Variants in LRPPRC observed in about 807,000 individuals in gnomAD.
LRPPRC encodes leucine rich pentatricopeptide repeat containing, also known as leucine-rich PPR motif-containing protein, mitochondrial.
In LRPPRC, 120 loss-of-function variants were observed where a neutral mutation model predicts 180.3. That is an observed-to-expected ratio of 0.67 (90% CI 0.57 to 0.77). The LOEUF is 0.77. Among genes scored for constraint, LRPPRC ranks in the 30% least tolerant of loss-of-function variants. LRPPRC has a pLI of 0.00. For missense variants in LRPPRC, 2,012 were observed against 1,657.2 expected (o/e 1.21, Z -3.72); for synonymous variants, 723 against 600.0 (o/e 1.21, Z -3.00).
intron 1 of LRPPRC, among the ~76,000 whole-genome samples, chr2:43,987,032 A>G (rs1004012469): frequency 6.6e-6 from 1 of 152,194 alleles, no homozygotes; most frequent in South Asian, 2.1e-4. Context: ...AATTTTCTTT[A>G]GCCTGTTGAT....
chr2:43,927,152 T>C (rs1671909236), intron 25 of LRPPRC, among the ~76,000 whole-genome samples: 1 of 152,324 alleles, frequency 6.6e-6, no homozygotes, highest in African/African-American at 2.4e-5. Context: ...AGCATTATGG[T>C]AAGAAAACTA....
chr2:43,974,891 C>T, intron 7 of LRPPRC, 133 bp from the exon 8 acceptor site: 1 of 1,005,270 alleles, frequency 9.9e-7, no homozygotes, highest in Non-Finnish European at 1.5e-6. Flanking sequence ...TTTTAAAAAA[C>T]AGGAAATACT....
At chr2:43,908,035 T>A (rs1036420195) in intron 30 of LRPPRC, among the ~76,000 whole-genome samples, 12 of 152,288 alleles carry the variant, frequency 7.9e-5, no homozygotes, top group Non-Finnish European at 1.5e-4. Context: ...TAGTTGGTGA[T>A]TATATTATTT....
At chr2:43,959,330 G>C (rs1311428969) in intron 13 of LRPPRC, 2 of 638,830 alleles carry the variant, frequency 3.1e-6, no homozygotes, top group African/African-American at 1.8e-5. Flanking sequence ...TTTCATACTG[G>C]ACACTTTGCC....
intron 11 of LRPPRC, among the ~76,000 whole-genome samples, chr2:43,972,666 T>C (rs532761415): frequency 6.6e-5 from 10 of 152,382 alleles, no homozygotes; most frequent in Non-Finnish European, 1.0e-4. Context: ...TAGAGACTTT[T>C]ATAGCCAGAA....
intron 25 of LRPPRC, among the ~76,000 whole-genome samples, chr2:43,928,715 A>G (rs1671977796): frequency 6.6e-6 from 1 of 151,968 alleles, no homozygotes; most frequent in African/African-American, 2.4e-5. Context: ...TGCACCTGTG[A>G]ACAGCCAATG....
At chr2:43,894,197 A>G (rs556060372) in intron 36 of LRPPRC, among the ~76,000 whole-genome samples, 1 of 152,230 alleles carries the variant, frequency 6.6e-6, no homozygotes, top group African/African-American at 2.4e-5. Context: ...TTCAGGTGGC[A>G]GGCCCTTGGG....
At chr2:43,975,335 G>A in intron 6 of LRPPRC, 118 bp from the exon 7 acceptor site, 3 of 805,594 alleles carry the variant, frequency 3.7e-6, no homozygotes, top group Admixed American at 2.1e-5. Flanking sequence ...GAATTATGAT[G>A]TCAGAAAAGA....
At chr2:43,931,710 G>C (rs944987735) in intron 25 of LRPPRC, among the ~76,000 whole-genome samples, 2 of 152,142 alleles carry the variant, frequency 1.3e-5, no homozygotes, top group Non-Finnish European at 2.9e-5. Context: ...ACAGAAAATA[G>C]GGTGAATTAA....
chr2:43,910,747 G>A (rs565851504), intron 30 of LRPPRC, among the ~76,000 whole-genome samples: 2 of 152,208 alleles, frequency 1.3e-5, no homozygotes, highest in Middle Eastern at 3.4e-3. Flanking sequence ...TCTTTGTGGT[G>A]AGCTGAGAGG....
At chr2:43,943,622 T>A (rs977936701) in intron 23 of LRPPRC, 65 bp downstream of exon 23, 2 of 1,333,816 alleles carry the variant, frequency 1.5e-6, no homozygotes, top group African/African-American at 2.9e-5. Flanking sequence ...TAAAGTATAA[T>A]CCGAAAATTA....
At chr2:43,896,501 G>C (rs1363048919) in intron 35 of LRPPRC, 133 bp downstream of exon 35, 2 of 670,614 alleles carry the variant, frequency 3.0e-6, no homozygotes, top group Non-Finnish European at 5.4e-6. Context: ...TCTAAGTAGA[G>C]ACAAGCAAAG....
In LRPPRC at chr2:43,981,944, G is replaced by T. The variant is rs183026073; in HGVS notation, c.346+294C>A. Among the ~76,000 whole-genome samples the T allele has an allele frequency of 1.4e-4, 22 of 151,918 alleles. No homozygotes were observed. In the East Asian group the frequency reaches 4.1e-3, roughly 28 times the overall value. On this transcript the variant is annotated intron_variant, in intron 2 of 37. Transcript: ENST00000260665. ...GTTTTAAAGACAGATGTCTCTCTCT[G>T]TCGCCCAGGCTGGAGTGCAGTTGTG...
intron 11 of LRPPRC, 86 bp from the exon 12 acceptor site, chr2:43,963,792 G>T: frequency 2.5e-6 from 2 of 813,826 alleles, no homozygotes; most frequent in Non-Finnish European, 4.3e-6. Flanking sequence ...ATTATTTTCT[G>T]AATCACAGTA....
chr2:43,949,590 T>C lies in LRPPRC; in HGVS notation c.1735+12A>G, dbSNP rs182218054. ...TGTGGATAAGTTACAATCATCGAAA[T>C]TGAAACGCTACCCGTCGGTCCTCGA... is the stretch of plus-strand genomic sequence containing the variant. On this transcript the variant is annotated intron_variant, in intron 16 of 37. Coordinates refer to ENST00000260665, the MANE Select transcript of LRPPRC (RefSeq NM_133259.4). 799 of 1,610,732 alleles carry C rather than the reference T, an allele frequency of 5.0e-4. 3 individuals carry two copies. The highest frequency in any genetic ancestry group is 2.3e-4 in the Non-Finnish European group (268 of 1,177,060).
Position 43,899,307 on chromosome 2 carries a change from T to C in LRPPRC, c.3737A>G (p.Asn1246Ser), listed in dbSNP as rs886056054. ...KISIMAERLANQFAIYKPVTD... is the reference protein window; with the variant it reads ...KISIMAERLASQFAIYKPVTD... Reference sequence around the variant, plus strand: ...GACAGGTTTATAAATTGCAAACTGATTGGCCAATCTCTCCGCCATGATGCT... The same window carrying C: ...GACAGGTTTATAAATTGCAAACTGACTGGCCAATCTCTCCGCCATGATGCT... Residue 1246 changes from asparagine to serine, a missense_variant, in exon 34 of 38, where the codon AAT becomes AGT. Coordinates refer to ENST00000260665, the MANE Select transcript of LRPPRC (RefSeq NM_133259.4). 3.7e-6 allele frequency: 6 copies of C among 1,613,930 alleles called. No homozygotes were observed. The highest frequency in any genetic ancestry group is 3.3e-5 in the Admixed American group (2 of 60,000).
At chr2:43,899,647 G>T (rs751133332) in intron 32 of LRPPRC, 42 bp from the exon 33 acceptor site, 1 of 1,403,228 alleles carries the variant, frequency 7.1e-7, no homozygotes, top group Non-Finnish European at 1.0e-6. Flanking sequence ...TTGCTTTTAT[G>T]TTAATATTAC....
intron 37 of LRPPRC, 110 bp downstream of exon 37, chr2:43,889,622 CAG>C: frequency 1.1e-6 from 1 of 947,246 alleles, no homozygotes; most frequent in Non-Finnish European, 1.7e-6. Flanking sequence ...GGGCTCTTCA[CAG>C]AGATCTAATC....
At position 43,973,510 on chromosome 2, in the gene LRPPRC, A is replaced by G. The variant is rs899676438; in HGVS notation, c.1369+97T>C. On this transcript the variant is annotated intron_variant, in intron 11 of 37. Coordinates refer to ENST00000260665, the MANE Select transcript of LRPPRC (RefSeq NM_133259.4). ...TTCCATTATCTCATAATACTCAGGA[A>G]TAAGTATGCTTTTCCAAAGAATCCA... is the stretch of plus-strand genomic sequence containing the variant. The G allele has an allele frequency of 8.0e-5, 64 of 800,984 alleles. 1 individual carries two copies. In the African/African-American group the frequency reaches 8.9e-4, roughly 11 times the overall value. 49.6% of individuals were successfully genotyped at this position (800,984 alleles called of 1,614,324 possible).
Sources: gnomAD v4.1 joint callset for allele counts (sites outside exome capture counted in the v4.1 genomes callset) on GRCh38, gnomAD v4.1.1 for gene constraint, MANE v1.5 for transcripts, NCBI Gene and HGNC (gene_info 2026-07-23, HGNC 2026-07-21) for gene names.